ELMO3: variants seen among roughly 807,000 people sequenced by gnomAD.
ELMO3 encodes the protein engulfment and cell motility protein 3.
In ELMO3, 81 loss-of-function variants were observed where a neutral mutation model predicts 89.0. That is an observed-to-expected ratio of 0.91 (90% CI 0.76 to 1.09). ELMO3 has a LOEUF of 1.09. Among genes scored for constraint, ELMO3 ranks in the 50% least tolerant of loss-of-function variants. The pLI, the probability that ELMO3 is intolerant of heterozygous loss-of-function variation, is 0.00. For synonymous variants in ELMO3, 406 were observed against 400.6 expected (o/e 1.01, Z -0.16); for missense variants, 959 against 972.8 (o/e 0.99, Z 0.19).
In ELMO3 at chr16:67,199,680, T is replaced by G. The variant is rs777557913; in HGVS notation, c.120-4T>G. The stretch of plus-strand genomic sequence containing the variant: ...CCGGCCTCGCTGAGCCTCGTGCCCC[T>G]CAGGTGGAGCCTGACGCACTCTGAG... On this transcript the variant is annotated splice_region_variant and splice_polypyrimidine_tract_variant and intron_variant, in intron 2 of 19. Coordinates refer to ENST00000393997, the MANE Select transcript of ELMO3 (RefSeq NM_024712.5). The G allele has an allele frequency of 6.2e-7, 1 of 1,609,806 alleles. No homozygotes were observed.
chr16:67,201,687 TG>T, intron 10 of ELMO3, 45 bp downstream of exon 10: 2 of 1,608,312 alleles, frequency 1.2e-6, no homozygotes, highest in Non-Finnish European at 8.5e-7. Flanking sequence ...GCTTAGAGCT[TG>T]GCCTTGAATC....
At position 67,203,210 on chromosome 16, in the gene ELMO3, T is replaced by C; in HGVS notation, c.1767T>C (p.Ser589=). 6.2e-7 allele frequency: 1 copy of C among 1,609,386 alleles called. No homozygotes were observed. Among genetic ancestry groups the C allele is most frequent in the Non-Finnish European group, 8.5e-7 (1 of 1,179,580 alleles). ...EEGASPPTLE[S]LPEQLPVADM... is the part of the protein sequence containing the mutation. ...GCGCCAGCCCGCCTACCCTGGAGAG[T>C]CTGCCCGAGCAACGTAAGGCGGGCA... The change falls in exon 17 of 20, where the codon AGT becomes AGC. Residue 589 remains serine (S), a synonymous_variant. Coordinates refer to ENST00000393997, the MANE Select transcript of ELMO3 (RefSeq NM_024712.5). This position sits in a 1 kb window ranked among gnomAD's most constrained non-coding sequence, Gnocchi z 4.6.
chr16:67,203,849 G>T lies in ELMO3; in HGVS notation c.2135G>T (p.Cys712Phe). 3 of 1,595,832 alleles carry T rather than the reference G, an allele frequency of 1.9e-6. No individual in the cohort carries two copies. Among genetic ancestry groups the T allele is most frequent in the Non-Finnish European group, 2.6e-6 (3 of 1,170,900 alleles). ...VPPPPTNFNF[C>F]YDCSIAEP is the part of the protein sequence containing the mutation. ...CCACCCCCCACCAACTTCAACTTCT[G>T]CTATGACTGCAGCATCGCTGAACCT... The change falls in exon 20 of 20, where the codon TGC becomes TTC. Residue 712 changes from cysteine to phenylalanine, a missense_variant. By Grantham distance (205) the Cys-to-Phe change is radical. Coordinates refer to ENST00000393997, the MANE Select transcript of ELMO3 (RefSeq NM_024712.5). The surrounding 1 kb of genome is among the most constrained non-coding windows in gnomAD (Gnocchi z 4.6).
Position 67,199,422 on chromosome 16 carries a change from G to T in ELMO3, c.78+18G>T, listed in dbSNP as rs759813190. ...TGGACCAGGTCACCCGGCTGGTCCC[G>T]CCTCCATCTGCCCCACTGCCCCACC... On this transcript the variant is annotated intron_variant, in intron 1 of 19. Coordinates refer to ENST00000393997, the MANE Select transcript of ELMO3 (RefSeq NM_024712.5). 6.2e-7 allele frequency: 1 copy of T among 1,601,786 alleles called. No individual in the cohort carries two copies. Among genetic ancestry groups the T allele is most frequent in the Admixed American group, 1.7e-5 (1 of 59,974 alleles).
Position 67,199,610 on chromosome 16 carries a change from C to A in ELMO3, c.119+17C>A. 1 of 1,609,168 alleles carries A rather than the reference C, an allele frequency of 6.2e-7. No individual in the cohort carries two copies. Among genetic ancestry groups the A allele is most frequent in the Non-Finnish European group, 8.5e-7 (1 of 1,178,882 alleles). On this transcript the variant is annotated intron_variant, in intron 2 of 19. Coordinates refer to ENST00000393997, the MANE Select transcript of ELMO3 (RefSeq NM_024712.5). ...GTGCGACGCGTGAGTGCTGCCGGGC[C>A]AGGGCCTGCGGAGGGCGGGAGGGCA...
Position 67,203,707 on chromosome 16 carries a change from C to A in ELMO3, c.1993C>A (p.Pro665Thr). The change falls in exon 20 of 20, where the codon CCC becomes ACC. Residue 665 changes from proline to threonine, a missense_variant. Physicochemically the swap from Pro to Thr is conservative, Grantham distance 38 (BLOSUM62 -1). Transcript: ENST00000393997. The surrounding 1 kb of genome is among the most constrained non-coding windows in gnomAD (Gnocchi z 4.6). ...TGGGCTCAGTGCCTTGCTGGGCAGT[C>A]CCATGGGCAGCGAGCAGACACGGCT... ...TDGLSALLGS[P>T]MGSEQTRLDL... The A allele has an allele frequency of 6.2e-7, 1 of 1,613,766 alleles. No individual in the cohort carries two copies.
Position 67,199,149 on chromosome 16 carries a change from C to T in ELMO3, c.-178C>T, listed in dbSNP as rs1015600429. ...CCAACCCGGAACTAACCTCGGCTCC[C>T]TTGGGAAGGCCGCGTTGCATGGCCA... On this transcript the variant is annotated 5_prime_UTR_variant, in exon 1 of 20. Transcript: ENST00000393997. 6 of 1,605,124 alleles carry T rather than the reference C, an allele frequency of 3.7e-6. No individual in the cohort carries two copies. The highest frequency in any genetic ancestry group is 1.7e-5 in the Admixed American group (1 of 59,936).
rs746825289 is a variant in ELMO3 at position 67,199,753 on chromosome 16, G to A, written c.189G>A (p.Glu63=). ...ATGGGCACCGGAGATACATCACCGAGAATGTGAGTCCCCTCTCCCCAGCCC... is the reference window on the plus strand; with the variant it reads ...ATGGGCACCGGAGATACATCACCGAAAATGTGAGTCCCCTCTCCCCAGCCC... ...FADGHRRYIT[E]NNRAEIKNGS... The change falls in exon 3 of 20, where the codon GAG becomes GAA. Residue 63 remains glutamate (E), a synonymous_variant. Coordinates refer to ENST00000393997, the MANE Select transcript of ELMO3 (RefSeq NM_024712.5). 3.7e-6 allele frequency: 6 copies of A among 1,611,034 alleles called. No individual in the cohort carries two copies. In the South Asian group the frequency reaches 6.6e-5, roughly 18 times the overall value.
chr16:67,201,575 T>C lies in ELMO3; in HGVS notation c.851T>C (p.Val284Ala), dbSNP rs2033110698. The C allele has an allele frequency of 1.2e-6, 2 of 1,614,008 alleles. No individual in the cohort carries two copies. The highest frequency in any genetic ancestry group is 1.7e-6 in the Non-Finnish European group (2 of 1,180,034). The change falls in exon 10 of 20, where the codon GTA becomes GCA. Residue 284 changes from valine to alanine, a missense_variant. Physicochemically the swap from Val to Ala is moderately conservative, Grantham distance 64. Transcript: ENST00000393997. ...GACGAGATGGCTCATCACCTGTACG[T>C]ACTGCAGGCTCTCATGCTGGGGCTG... Reference protein sequence around the residue: ...MGDEMAHHLYVLQALMLGLLE... With the variant: ...MGDEMAHHLYALQALMLGLLE...
rs1567691423 is a variant in ELMO3, at chr16:67,200,760, T to G, written c.617T>G (p.Leu206Arg). 2 of 1,613,616 alleles carry G rather than the reference T, an allele frequency of 1.2e-6. No individual in the cohort carries two copies. The highest frequency in any genetic ancestry group is 1.7e-6 in the Non-Finnish European group (2 of 1,179,952). Residue 206 changes from leucine (L) to arginine (R), a missense_variant, in exon 7 of 20, where the codon CTG (leucine) becomes CGG (arginine). Leu to Arg is a moderately radical substitution (Grantham distance 102, BLOSUM62 -2). Coordinates refer to ENST00000393997, the MANE Select transcript of ELMO3 (RefSeq NM_024712.5). Reference protein sequence around the residue: ...VTLSSPALGQLVKSEVPLDRL... With the variant: ...VTLSSPALGQRVKSEVPLDRL... ...TTGAGCAGCCCAGCCCTGGGCCAGC[T>G]GGTCAAGAGCGAGGTGCCCCTGGAT...
Position 67,200,233 on chromosome 16 carries a change from C to T in ELMO3, c.285C>T (p.Asn95=), listed in dbSNP as rs762064736. 13 of 1,612,980 alleles carry T rather than the reference C, an allele frequency of 8.1e-6. No homozygotes were observed. The East Asian group carries it at 2.9e-4, about 36-fold the overall frequency. ...AGCTCTTGGGTGGGCTGCAGAGTAA[C>T]AGTCCTGAAGGGCGCCGGGAAGCCC... The part of the protein sequence containing the change: ...AEQLLGGLQS[N]SPEGRREALR... Residue 95 remains asparagine, a synonymous_variant, in exon 5 of 20, where the codon AAC becomes AAT. Transcript: ENST00000393997.
chr16:67,199,857 T>G, intron 3 of ELMO3, 94 bp from the exon 4 acceptor site: 1 of 1,606,054 alleles, frequency 6.2e-7, no homozygotes, highest in East Asian at 2.2e-5. Context: ...GAGCGCGATC[T>G]GTTATTCACC....
chr16:67,199,651 C>A (rs1223483582), intron 2 of ELMO3, 33 bp from the exon 3 acceptor site: 4 of 1,608,162 alleles, frequency 2.5e-6, no homozygotes, highest in Non-Finnish European at 3.4e-6. Flanking sequence ...GGCGGCGCCC[C>A]CTGCCGGCCT....
rs749926112 is a variant in ELMO3, at chr16:67,200,479, A to G, written c.442A>G (p.Arg148Gly). The G allele has an allele frequency of 1.8e-5, 29 of 1,613,056 alleles. No homozygotes were observed. The highest frequency in any genetic ancestry group is 6.7e-5 in the African/African-American group (5 of 74,734). ...AGGAGAGGTGCTGGCCCTCAGCCTG[A>G]GGGCCTTCTCAGAGCTCATGGAGCA... ...DLGEVLALSL[R>G]AFSELMEHGV... The change falls in exon 6 of 20, where the codon AGG (arginine) becomes GGG (glycine). Residue 148 changes from arginine to glycine, a missense_variant. Arg to Gly is a moderately radical substitution (Grantham distance 125). Transcript: ENST00000393997.
At position 67,199,760 on chromosome 16, in the gene ELMO3, A is replaced by C; in HGVS notation, c.192+4A>C. The C allele has an allele frequency of 6.2e-7, 1 of 1,610,282 alleles. No individual in the cohort carries two copies. The highest frequency in any genetic ancestry group is 8.5e-7 in the Non-Finnish European group (1 of 1,179,324). On this transcript the variant is annotated splice_donor_region_variant and intron_variant, in intron 3 of 19. Coordinates refer to ENST00000393997, the MANE Select transcript of ELMO3 (RefSeq NM_024712.5). The stretch of plus-strand genomic sequence containing the variant: ...CCGGAGATACATCACCGAGAATGTG[A>C]GTCCCCTCTCCCCAGCCCCAAGCTC...
At position 67,203,779 on chromosome 16, in the gene ELMO3, G is replaced by C. The variant is rs769648209; in HGVS notation, c.2065G>C (p.Glu689Gln). 2 of 1,612,896 alleles carry C rather than the reference G, an allele frequency of 1.2e-6. No homozygotes were observed. Among genetic ancestry groups the C allele is most frequent in the Non-Finnish European group, 1.7e-6 (2 of 1,179,930 alleles). Reference sequence around the variant, plus strand: ...CATGGAGACCAAGCTGCGTCTGCTGGAGCTGGAGAACGTGCCCATCCCCGA... The same window carrying C: ...CATGGAGACCAAGCTGCGTCTGCTGCAGCTGGAGAACGTGCCCATCCCCGA... ...LTMETKLRLL[E>Q]LENVPIPERP... is the part of the protein sequence containing the mutation. The change falls in exon 20 of 20, where the codon GAG becomes CAG. Residue 689 changes from glutamate to glutamine, a missense_variant. Physicochemically the swap from Glu to Gln is conservative, Grantham distance 29 (BLOSUM62 2). Transcript: ENST00000393997. The surrounding 1 kb of genome is among the most constrained non-coding windows in gnomAD (Gnocchi z 4.6).
intron 3 of ELMO3, 30 bp downstream of exon 3, chr16:67,199,786 G>C (rs2033055692): frequency 6.2e-7 from 1 of 1,603,816 alleles, no homozygotes. Flanking sequence ...CCCCAAGCTC[G>C]GCCTTCCGAC....
In ELMO3 at chr16:67,200,679, A is replaced by G; in HGVS notation, c.536A>G (p.Asn179Ser). ...CAGGTGGTGTGCTACGTGAACATGA[A>G]CCTCATGGATGCCTCCGTGCCTCCC... The part of the protein sequence containing the change: ...VRKVVCYVNM[N>S]LMDASVPPLA... The change falls in exon 7 of 20, where the codon AAC becomes AGC. Residue 179 changes from asparagine to serine, a missense_variant. Coordinates refer to ENST00000393997, the MANE Select transcript of ELMO3 (RefSeq NM_024712.5). 6.2e-7 allele frequency: 1 copy of G among 1,613,062 alleles called. No individual in the cohort carries two copies. Among genetic ancestry groups the G allele is most frequent in the South Asian group, 1.1e-5 (1 of 91,074 alleles).
In ELMO3 at chr16:67,203,521, A is replaced by G. The variant is rs778303839; in HGVS notation, c.1888A>G (p.Ile630Val). 52 of 1,613,924 alleles carry G rather than the reference A, an allele frequency of 3.2e-5. No homozygotes were observed. The highest frequency in any genetic ancestry group is 4.3e-5 in the Non-Finnish European group (51 of 1,179,968). ...GGACCTCTATGAGTTGGCCTTCTCA[A>G]TCAGCTATGACCGTGGGGAGGAGGA... is the stretch of plus-strand genomic sequence containing the variant. ...NKDLYELAFSISYDRGEEEAY... is the reference protein window; with the variant it reads ...NKDLYELAFSVSYDRGEEEAY... The change falls in exon 19 of 20, where the codon ATC (isoleucine) becomes GTC (valine). Residue 630 changes from isoleucine to valine, a missense_variant. By Grantham distance (29) the Ile-to-Val change is conservative (BLOSUM62 3). Transcript: ENST00000393997. This position sits in a 1 kb window ranked among gnomAD's most constrained non-coding sequence, Gnocchi z 4.6.
Sources: gnomAD v4.1 joint callset for allele counts on GRCh38, gnomAD v4.1.1 for gene constraint, Gnocchi (gnomAD v3.1) non-coding constraint, MANE v1.5 for transcripts, NCBI Gene and HGNC (gene_info 2026-07-23, HGNC 2026-07-21) for gene names.